Variants in RCE1 observed in about 807,000 individuals in gnomAD.
The protein encoded by RCE1 is Ras converting CAAX endopeptidase 1, also known as CAAX prenyl protease 2.
Under a neutral mutation model 35.0 loss-of-function variants are expected in RCE1, and 15 were observed. The ratio of observed to expected loss-of-function variants is 0.43; its 90% CI spans 0.29 to 0.66. The LOEUF (loss-of-function observed/expected upper bound fraction) is 0.66. Ranked by LOEUF, RCE1 falls within the 30% of genes least tolerant of loss-of-function variation. The pLI, the probability that RCE1 is intolerant of heterozygous loss-of-function variation, is 0.17. For synonymous variants in RCE1, 261 were observed against 192.7 expected (o/e 1.35, Z -2.94); for missense variants, 434 against 433.0 (o/e 1.00, Z -0.02).
Position 66,846,191 on chromosome 11 carries a change from T to A in RCE1, c.*96T>A. The stretch of plus-strand genomic sequence containing the variant: ...GAAGGGCTGGCTGGGGTCCCCGAGA[T>A]CTCAGGAATTTTTGTAGGGGATTGA... On this transcript the variant is annotated 3_prime_UTR_variant, in exon 8 of 8. Transcript: ENST00000309657. 1 of 1,437,528 alleles carries A rather than the reference T, an allele frequency of 7.0e-7. No homozygotes were observed. The highest frequency in any genetic ancestry group is 9.2e-7 in the Non-Finnish European group (1 of 1,084,450). 89.0% of individuals were successfully genotyped at this position (1,437,528 alleles called of 1,614,324 possible).
intron 1 of RCE1, 27 bp downstream of exon 1, chr11:66,843,667 C>T: frequency 6.2e-7 from 1 of 1,602,786 alleles, no homozygotes; most frequent in Non-Finnish European, 8.5e-7. Flanking sequence ...CGACCGGAAT[C>T]CGCGCCCTGC....
rs746150511 is a variant in RCE1 at position 66,843,727 on chromosome 11, C to T, written c.186-32C>T. The stretch of plus-strand genomic sequence containing the variant: ...GCGGGTCCGTGCTCATGGGCAGCCG[C>T]GGGCCCCCTGAACTTACTGTCCCCT... On this transcript the variant is annotated intron_variant, in intron 1 of 7. Transcript: ENST00000309657. 5.6e-6 allele frequency: 9 copies of T among 1,609,078 alleles called. No homozygotes were observed. The East Asian group carries it at 1.6e-4, about 28-fold the overall frequency.
Position 66,844,372 on chromosome 11 carries a change from T to G in RCE1, c.451+8T>G. ...GGCTGAAGGTTGTCCTGGGTGAGTC[T>G]TAAAGGCTGAAGGGAAAAGTAGGCA... is the stretch of plus-strand genomic sequence containing the variant. On this transcript the variant is annotated splice_region_variant and intron_variant, in intron 4 of 7. Coordinates refer to ENST00000309657, the MANE Select transcript of RCE1 (RefSeq NM_005133.3). 1.9e-6 allele frequency: 3 copies of G among 1,614,142 alleles called. No individual in the cohort carries two copies. The highest frequency in any genetic ancestry group is 2.5e-6 in the Non-Finnish European group (3 of 1,180,018).
Position 66,844,345 on chromosome 11 carries a change from T to C in RCE1, c.432T>C (p.Asp144=). Residue 144 remains aspartate, a synonymous_variant, in exon 4 of 8, where the codon GAT becomes GAC. Coordinates refer to ENST00000309657, the MANE Select transcript of RCE1 (RefSeq NM_005133.3). ...TGGATTGCCCTTGTGACCTGGCAGA[T>C]GGGCTGAAGGTTGTCCTGGGTGAGT... ...LSMDCPCDLA[D]GLKVVLAPRS... 6.2e-7 allele frequency: 1 copy of C among 1,614,110 alleles called. No homozygotes were observed. Among genetic ancestry groups the C allele is most frequent in the African/African-American group, 1.3e-5 (1 of 75,030 alleles).
At chr11:66,845,625 ACT>A in intron 7 of RCE1, 63 bp downstream of exon 7, 1 of 1,609,792 alleles carries the variant, frequency 6.2e-7, no homozygotes, top group South Asian at 1.1e-5. Flanking sequence ...GAATGGGAAT[ACT>A]GTTTGTTCTA....
rs766986996 is a variant in RCE1, at chr11:66,843,974, A to G, written c.307A>G (p.Thr103Ala). 1.4e-5 allele frequency: 23 copies of G among 1,613,988 alleles called. No individual in the cohort carries two copies. Among genetic ancestry groups the G allele is most frequent in the Non-Finnish European group, 1.9e-5 (23 of 1,179,996 alleles). ...GGCTCAGCCAGGCACATCCCTGCTC[A>G]CCCTGATGGGCTTCAGGCTGGAGGG... ...TGIQPGTSLL[T>A]LMGFRLEGIF... Residue 103 changes from threonine to alanine, a missense_variant, in exon 3 of 8, where the codon ACC (threonine) becomes GCC (alanine). Transcript: ENST00000309657.
At position 66,844,873 on chromosome 11, in the gene RCE1, C is replaced by G. The variant is rs752735030; in HGVS notation, c.456C>G (p.Pro152=). 6.5e-7 allele frequency: 1 copy of G among 1,534,090 alleles called. No homozygotes were observed. The highest frequency in any genetic ancestry group is 8.8e-7 in the Non-Finnish European group (1 of 1,141,702). The change falls in exon 5 of 8, where the codon CCC becomes CCG. Residue 152 remains proline, a synonymous_variant. Transcript: ENST00000309657. ...LADGLKVVLA[P]RSWARCLTDM... ...TGTCCTGAATTCCCTCTGCAGCCCC[C>G]CGCTCCTGGGCCCGCTGCCTCACAG...
At chr11:66,845,384 G>C in intron 6 of RCE1, 116 bp from the exon 7 acceptor site, 2 of 1,580,978 alleles carry the variant, frequency 1.3e-6, no homozygotes, top group Admixed American at 1.7e-5. Context: ...GTAGGTGGTG[G>C]GGCAGGCAGC....
At chr11:66,844,217 C>G in intron 3 of RCE1, 69 bp from the exon 4 acceptor site, 1 of 1,608,878 alleles carries the variant, frequency 6.2e-7, no homozygotes, top group South Asian at 1.1e-5. Context: ...AGCTTGGAGT[C>G]TCAGGGAGCA....
rs1945206976 is a variant in RCE1, at chr11:66,846,210, G to A, written c.*115G>A. On this transcript the variant is annotated 3_prime_UTR_variant, in exon 8 of 8. Transcript: ENST00000309657. Reference sequence around the variant, plus strand: ...CCGAGATCTCAGGAATTTTTGTAGGGGATTGAAGCCAGAGCTAGTTGCGTC... The same window carrying A: ...CCGAGATCTCAGGAATTTTTGTAGGAGATTGAAGCCAGAGCTAGTTGCGTC... The A allele has an allele frequency of 7.5e-7, 1 of 1,327,684 alleles. No individual in the cohort carries two copies. Among genetic ancestry groups the A allele is most frequent in the East Asian group, 2.4e-5 (1 of 40,932 alleles). 82.2% of individuals were successfully genotyped at this position (1,327,684 alleles called of 1,614,324 possible).
intron 1 of RCE1, 31 bp from the exon 2 acceptor site, chr11:66,843,727 CG>C: frequency 6.2e-7 from 1 of 1,609,194 alleles, no homozygotes; most frequent in Non-Finnish European, 8.5e-7. Flanking sequence ...TGGGCAGCCG[CG>C]GGCCCCCTGA....
In RCE1 at chr11:66,843,544, G is replaced by A; in HGVS notation, c.89G>A (p.Gly30Asp). ...GAGTCGGCGGCGCTGGGCGGCCTGGGCCCCGGGCTGTGCTGCTGGGTGTCA... is the reference window on the plus strand; with the variant it reads ...GAGTCGGCGGCGCTGGGCGGCCTGGACCCCGGGCTGTGCTGCTGGGTGTCA... ...PPESAALGGL[G>D]PGLCCWVSVF... Residue 30 changes from glycine (G) to aspartate (D), a missense_variant, in exon 1 of 8, where the codon GGC becomes GAC. Transcript: ENST00000309657. 6.4e-7 allele frequency: 1 copy of A among 1,551,212 alleles called. No individual in the cohort carries two copies. Among genetic ancestry groups the A allele is most frequent in the Non-Finnish European group, 8.6e-7 (1 of 1,157,278 alleles).
In RCE1 at chr11:66,844,013, G is replaced by A. The variant is rs1242931967; in HGVS notation, c.346G>A (p.Ala116Thr). Reference protein sequence around the residue: ...GFRLEGIFPAALLPLLLTMIL... With the variant: ...GFRLEGIFPATLLPLLLTMIL... Reference sequence around the variant, plus strand: ...CAGGCTGGAGGGCATTTTCCCAGCGGCGCTGCTGCCCCTGTTGCTGACCAT... The same window carrying A: ...CAGGCTGGAGGGCATTTTCCCAGCGACGCTGCTGCCCCTGTTGCTGACCAT... The change falls in exon 3 of 8, where the codon GCG becomes ACG. Residue 116 changes from alanine to threonine, a missense_variant. Physicochemically the swap from Ala to Thr is moderately conservative, Grantham distance 58. Coordinates refer to ENST00000309657, the MANE Select transcript of RCE1 (RefSeq NM_005133.3). The A allele has an allele frequency of 1.9e-6, 3 of 1,614,122 alleles. No individual in the cohort carries two copies. Among genetic ancestry groups the A allele is most frequent in the Admixed American group, 3.3e-5 (2 of 60,032 alleles).
rs1945202661 is a variant in RCE1, at chr11:66,845,987, C to G, written c.882C>G (p.Leu294=). Residue 294 remains leucine (L), a synonymous_variant, in exon 8 of 8, where the codon CTC becomes CTG. Coordinates refer to ENST00000309657, the MANE Select transcript of RCE1 (RefSeq NM_005133.3). ...LLAGYALGVG[L]FLLLLQPLTD... is the part of the protein sequence containing the mutation. ...CAGGCTATGCCCTGGGTGTGGGACT[C>G]TTCCTGCTTCTGCTCCAGCCCCTCA... The G allele has an allele frequency of 6.2e-7, 1 of 1,613,916 alleles. No individual in the cohort carries two copies. Among genetic ancestry groups the G allele is most frequent in the Non-Finnish European group, 8.5e-7 (1 of 1,180,022 alleles).
Position 66,843,750 on chromosome 11 carries a change from C to T in RCE1, c.186-9C>T, listed in dbSNP as rs1178102321. 5.0e-6 allele frequency: 8 copies of T among 1,612,988 alleles called. No homozygotes were observed. The highest frequency in any genetic ancestry group is 1.6e-4 in the Middle Eastern group (1 of 6,084). ...CGCGGGCCCCCTGAACTTACTGTCC[C>T]CTCCGTAGGGACCATCCCGCGGTCA... On this transcript the variant is annotated splice_polypyrimidine_tract_variant and intron_variant, in intron 1 of 7. Transcript: ENST00000309657.
chr11:66,844,395 G>C, intron 4 of RCE1, 31 bp downstream of exon 4: 1 of 1,613,540 alleles, frequency 6.2e-7, no homozygotes, highest in Non-Finnish European at 8.5e-7. Flanking sequence ...GGAAAAGTAG[G>C]CACAGGCAGT....
At position 66,844,208 on chromosome 11, in the gene RCE1, G is replaced by A. The variant is rs1945157126; in HGVS notation, c.373-78G>A. 3 of 1,605,472 alleles carry A rather than the reference G, an allele frequency of 1.9e-6. No individual in the cohort carries two copies. In the South Asian group the frequency reaches 3.3e-5, roughly 18 times the overall value. On this transcript the variant is annotated intron_variant, in intron 3 of 7. Transcript: ENST00000309657. The stretch of plus-strand genomic sequence containing the variant: ...AAATCGTGGCTGGAGAGGATTTCAA[G>A]CTTGGAGTCTCAGGGAGCATGGGCA...
chr11:66,844,864 T>C lies in RCE1; in HGVS notation c.452-5T>C, dbSNP rs760751960. 6.6e-7 allele frequency: 1 copy of C among 1,525,326 alleles called. No homozygotes were observed. The allele number at this position is 1,525,326 out of a possible 1,614,324, so 94.5% of individuals were successfully genotyped here. ...CTCACAGCTTGTCCTGAATTCCCTC[T>C]GCAGCCCCCCGCTCCTGGGCCCGCT... On this transcript the variant is annotated splice_polypyrimidine_tract_variant and splice_region_variant and intron_variant, in intron 4 of 7. Coordinates refer to ENST00000309657, the MANE Select transcript of RCE1 (RefSeq NM_005133.3).
In RCE1 at chr11:66,846,035, C is replaced by T. The variant is rs1320682893; in HGVS notation, c.930C>T (p.Ser310=). 1.9e-6 allele frequency: 3 copies of T among 1,613,832 alleles called. No homozygotes were observed. Among genetic ancestry groups the T allele is most frequent in the South Asian group, 1.1e-5 (1 of 91,086 alleles). The part of the protein sequence containing the change: ...QPLTDPKLYG[S]LPLCVLLERA... ...TCACGGACCCCAAGCTCTACGGCAG[C>T]CTTCCCCTTTGTGTGCTTTTGGAGC... The change falls in exon 8 of 8, where the codon AGC becomes AGT. Residue 310 remains serine (S), a synonymous_variant. Coordinates refer to ENST00000309657, the MANE Select transcript of RCE1 (RefSeq NM_005133.3).
Sources: allele counts gnomAD v4.1 joint callset, GRCh38; gene constraint gnomAD v4.1.1; transcripts MANE v1.5; gene names NCBI Gene and HGNC (gene_info 2026-07-23, HGNC 2026-07-21).